The following WIPF2 variants were observed in gnomAD, a reference collection of about 807,000 sequenced individuals.
WIPF2 encodes the protein WAS/WASL-interacting protein family member 2.
In WIPF2, 23 loss-of-function variants were observed where a neutral mutation model predicts 38.8. The observed-to-expected ratio is 0.59, with a 90% confidence interval of 0.43 to 0.84. The LOEUF is 0.84. Among genes scored for constraint, WIPF2 ranks in the 40% least tolerant of loss-of-function variants. The probability of loss-of-function intolerance (pLI) is 0.00; values close to 1 mark genes in which losing one functional copy is unlikely to be tolerated. For missense variants in WIPF2, 574 were observed against 580.5 expected (o/e 0.99, Z 0.11); for synonymous variants, 210 against 223.2 (o/e 0.94, Z 0.53).
At chr17:40,221,385 A>G (rs1241581163) in intron 1 of WIPF2, among the ~76,000 whole-genome samples, 2 of 152,046 alleles carry the variant, frequency 1.3e-5, no homozygotes, top group South Asian at 2.1e-4. Flanking sequence ...GTCTTAACAC[A>G]TGGGATCTTT....
intron 1 of WIPF2, among the ~76,000 whole-genome samples, chr17:40,244,099 A>C (rs1365412056): frequency 6.6e-6 from 1 of 151,854 alleles, no homozygotes. Context: ...CTTTTTTTGG[A>C]GTGGTAGTGG....
intron 1 of WIPF2, among the ~76,000 whole-genome samples, chr17:40,239,545 A>G (rs976928499): frequency 7.9e-5 from 12 of 152,106 alleles, no homozygotes; most frequent in South Asian, 2.1e-4. Flanking sequence ...CTGGCTGCCA[A>G]TGTTTTTGGA....
At chr17:40,233,210 C>T (rs1048252940) in intron 1 of WIPF2, among the ~76,000 whole-genome samples, 1 of 152,102 alleles carries the variant, frequency 6.6e-6, no homozygotes, top group African/African-American at 2.4e-5. Flanking sequence ...TCCTTAACTG[C>T]ATTGGTACCA....
intron 1 of WIPF2, among the ~76,000 whole-genome samples, chr17:40,238,854 G>A (rs928603899): frequency 3.3e-5 from 5 of 151,462 alleles, no homozygotes; most frequent in South Asian, 2.1e-4. Context: ...CTCATGATCC[G>A]CCCGCCTTGG....
At chr17:40,220,571 GTGTATA>G (rs1329469396) in intron 1 of WIPF2, 4 of 85,646 alleles carry the variant, frequency 4.7e-5, no homozygotes, top group African/African-American at 2.0e-4. Context: ...ACGTGTGTGT[GTGTATA>G]TATATATATA....
In WIPF2 at chr17:40,222,587, T is replaced by TGTGTGTGTGTG. The variant is rs1027492144; in HGVS notation, c.-70+3095_-70+3096insGTGTGTGTGTG. Among the ~76,000 whole-genome samples the TGTGTGTGTGTG allele has an allele frequency of 9.5e-3, 1,385 of 146,396 alleles. 6 individuals carry two copies. The highest frequency in any genetic ancestry group is 0.016 in the African/African-American group (638 of 39,324). On this transcript the variant is annotated intron_variant, in intron 1 of 7. Transcript: ENST00000323571. The stretch of plus-strand genomic sequence containing the variant: ...TAGCCTTGCTCATGTGTGTGTGTGT[T>TGTGTGTGTGTG]TGTGTGTGTGTGTGTGTGTCTGCGT...
At position 40,270,221 on chromosome 17, in the gene WIPF2, C is replaced by T. The variant is rs142965791; in HGVS notation, c.971-3569C>T. ...TCTCTACTAAAAATACAAAAATGAG[C>T]CGGGCGTGGTGGCGGGTGCCTGTAG... On this transcript the variant is annotated intron_variant, in intron 5 of 7. Coordinates refer to ENST00000323571, the MANE Select transcript of WIPF2 (RefSeq NM_133264.5). 3.0e-3 allele frequency among the ~76,000 whole-genome samples: 458 copies of T among 151,756 alleles called. 2 individuals carry two copies. Among genetic ancestry groups the T allele is most frequent in the African/African-American group, 9.7e-3 (401 of 41,410 alleles).
At position 40,283,404 on chromosome 17, in the gene WIPF2, C is replaced by G. The variant is rs2032594233; in HGVS notation, c.*5179C>G. Reference sequence around the variant, plus strand: ...GGACCACAGGTGTGTACCACTATGCCTGGCTAATTTTGAAAATTTTTTTGT... The same window carrying G: ...GGACCACAGGTGTGTACCACTATGCGTGGCTAATTTTGAAAATTTTTTTGT... On this transcript the variant is annotated 3_prime_UTR_variant, in exon 8 of 8. Coordinates refer to ENST00000323571, the MANE Select transcript of WIPF2 (RefSeq NM_133264.5). 1 of 151,890 alleles carries G rather than the reference C, an allele frequency of 6.6e-6. No individual in the cohort carries two copies. Among genetic ancestry groups the G allele is most frequent in the East Asian group, 1.9e-4 (1 of 5,170 alleles). The allele number at this position is 151,890 out of a possible 1,614,324, so 9.4% of individuals were successfully genotyped here. A position where few individuals can be genotyped will look rare whatever the true frequency, so the allele number is the denominator to read the frequency against.
rs776390799 is a variant in WIPF2 at position 40,278,259 on chromosome 17, T to C, written c.*34T>C. 1.2e-6 allele frequency: 2 copies of C among 1,611,166 alleles called. No homozygotes were observed. The highest frequency in any genetic ancestry group is 1.7e-6 in the Non-Finnish European group (2 of 1,178,478). ...TTGGTCCCGTTCCTCAGGAAAAGGA[T>C]GGACCTTCTCTTCTTCTCAGATGGT... On this transcript the variant is annotated 3_prime_UTR_variant, in exon 8 of 8. Coordinates refer to ENST00000323571, the MANE Select transcript of WIPF2 (RefSeq NM_133264.5).
Position 40,265,156 on chromosome 17 carries a change from T to C in WIPF2, c.970+10T>C. 2.5e-6 allele frequency: 4 copies of C among 1,585,244 alleles called. No individual in the cohort carries two copies. Among genetic ancestry groups the C allele is most frequent in the Non-Finnish European group, 3.4e-6 (4 of 1,166,016 alleles). ...CCCAGTCGGGGAGCAGGTAAGTGCTTGGAAGCACCTTTTTCCCTATCATGC... is the reference window on the plus strand; with the variant it reads ...CCCAGTCGGGGAGCAGGTAAGTGCTCGGAAGCACCTTTTTCCCTATCATGC... On this transcript the variant is annotated intron_variant, in intron 5 of 7. Coordinates refer to ENST00000323571, the MANE Select transcript of WIPF2 (RefSeq NM_133264.5).
At chr17:40,262,144 G>T (rs1271664082) in intron 3 of WIPF2, among the ~76,000 whole-genome samples, 1 of 147,148 alleles carries the variant, frequency 6.8e-6, no homozygotes, top group East Asian at 2.0e-4. Context: ...GCAGTGGTAC[G>T]ATCACAGTTC....
At chr17:40,239,404 A>G (rs959339920) in intron 1 of WIPF2, among the ~76,000 whole-genome samples, 1 of 152,016 alleles carries the variant, frequency 6.6e-6, no homozygotes, top group Non-Finnish European at 1.5e-5. Flanking sequence ...ATGTGACACT[A>G]AGAAGCTCAT....
rs775838379 is a variant in WIPF2, at chr17:40,247,207, GTTTTTTTTTTTTT to G, written c.-69-9168_-69-9156del. Among the ~76,000 whole-genome samples, 59 of 116,978 alleles carry G rather than the reference GTTTTTTTTTTTTT, an allele frequency of 5.0e-4. 1 individual carries two copies. The highest frequency in any genetic ancestry group is 1.7e-3 in the African/African-American group (54 of 31,648). The allele number at this position is 116,978 out of a possible 152,430, so 76.7% of individuals were successfully genotyped here. A position where few individuals can be genotyped will look rare whatever the true frequency, so the allele number is the denominator to read the frequency against. ...TCGAAAATTTAATTCTTATTTCAGGGTTTTTTTTTTTTTTTTTTTTTTTTTTTTGAGACAGGAT... is the reference window on the plus strand; with the variant it reads ...TCGAAAATTTAATTCTTATTTCAGGGTTTTTTTTTTTTTTTGAGACAGGAT... On this transcript the variant is annotated intron_variant, in intron 1 of 7. Transcript: ENST00000323571.
rs1359651486 is a variant in WIPF2, at chr17:40,278,898, A to G, written c.*673A>G. 5 of 152,254 alleles carry G rather than the reference A, an allele frequency of 3.3e-5. No individual in the cohort carries two copies. The highest frequency in any genetic ancestry group is 9.6e-5 in the African/African-American group (4 of 41,522). The allele number at this position is 152,254 out of a possible 1,614,324, so 9.4% of individuals were successfully genotyped here. A position where few individuals can be genotyped will look rare whatever the true frequency, so the allele number is the denominator to read the frequency against. ...ACATTTAATAAAAAGAAAGGGTGAA[A>G]TAAACTGAAGACCATTTTAGAACTA... On this transcript the variant is annotated 3_prime_UTR_variant, in exon 8 of 8. Coordinates refer to ENST00000323571, the MANE Select transcript of WIPF2 (RefSeq NM_133264.5).
Position 40,219,368 on chromosome 17 carries a change from T to G in WIPF2, c.-194T>G, listed in dbSNP as rs879141289. 5 of 379,686 alleles carry G rather than the reference T, an allele frequency of 1.3e-5. No individual in the cohort carries two copies. The highest frequency in any genetic ancestry group is 9.5e-5 in the South Asian group (4 of 42,130). The allele number at this position is 379,686 out of a possible 1,614,324, so 23.5% of individuals were successfully genotyped here. On this transcript the variant is annotated 5_prime_UTR_variant, in exon 1 of 8. Transcript: ENST00000323571. ...ATTTCCGGGTTGGCAAAAGGGGCGG[T>G]GGCGGCGGCGGCGGCGGCGGCGGCG... is the stretch of plus-strand genomic sequence containing the variant.
chr17:40,283,204 T>C lies in WIPF2; in HGVS notation c.*4979T>C, dbSNP rs537718708. 2 of 140,022 alleles carry C rather than the reference T, an allele frequency of 1.4e-5. No homozygotes were observed. The highest frequency in any genetic ancestry group is 4.5e-4 in the South Asian group (2 of 4,476). The allele number at this position is 140,022 out of a possible 1,614,324, so 8.7% of individuals were successfully genotyped here. On this transcript the variant is annotated 3_prime_UTR_variant, in exon 8 of 8. Transcript: ENST00000323571. The stretch of plus-strand genomic sequence containing the variant: ...AAAAAAAAAAAAAATTCTAGAGTTC[T>C]AGTTACCCTTCCTGGGAGATTCTGA...
intron 1 of WIPF2, among the ~76,000 whole-genome samples, chr17:40,241,935 G>A (rs1399660160): frequency 6.6e-6 from 1 of 152,186 alleles, no homozygotes; most frequent in Non-Finnish European, 1.5e-5. Flanking sequence ...GAGCCAAATA[G>A]TACTTGTCTT....
intron 1 of WIPF2, among the ~76,000 whole-genome samples, chr17:40,251,953 C>CT (rs1363481576): frequency 1.3e-5 from 2 of 152,102 alleles, no homozygotes; most frequent in Admixed American, 6.6e-5. Context: ...TTTGATTTAA[C>CT]TTTTTTTATG....
intron 1 of WIPF2, among the ~76,000 whole-genome samples, chr17:40,239,046 T>TTTA (rs1555560742): frequency 4.3e-4 from 60 of 138,814 alleles, no homozygotes; most frequent in African/African-American, 1.3e-3. Context: ...GTTTATTTTA[T>TTTA]TTTATTTATT....
Sources: gnomAD v4.1 joint callset for allele counts (sites outside exome capture counted in the v4.1 genomes callset) on GRCh38, gnomAD v4.1.1 for gene constraint, MANE v1.5 for transcripts, NCBI Gene and HGNC (gene_info 2026-07-23, HGNC 2026-07-21) for gene names.